The following CHLSN variants were observed in gnomAD, a reference collection of about 807,000 sequenced individuals.
CHLSN encodes protein cholesin.
chr7:1,052,228 G>A, the CHLSN span, among the ~76,000 whole-genome samples: 1 of 152,248 alleles, frequency 6.6e-6, no homozygotes, highest in Non-Finnish European at 1.5e-5. The surrounding 1 kb of genome is among the most constrained non-coding windows in gnomAD (Gnocchi z 4.2). Context: ...AGGAGCCTCT[G>A]AGCAGGCGCC....
chr7:1,010,359 C>T, the CHLSN span, among the ~76,000 whole-genome samples: 2 of 152,220 alleles, frequency 1.3e-5, no homozygotes, highest in Admixed American at 6.5e-5. Context: ...TGCGGGCAGG[C>T]GCCAGGTGCC....
the CHLSN span, among the ~76,000 whole-genome samples, chr7:1,087,605 G>A: frequency 6.6e-6 from 1 of 152,150 alleles, no homozygotes; most frequent in South Asian, 2.1e-4. Context: ...TCGGACTGTG[G>A]GGCACTCTGG....
the CHLSN span, among the ~76,000 whole-genome samples, chr7:1,114,656 C>T: frequency 6.6e-6 from 1 of 152,262 alleles, no homozygotes; most frequent in Non-Finnish European, 1.5e-5. Context: ...GAGGCCAGCT[C>T]TCCCATGGGT....
At chr7:1,072,375 G>T in the CHLSN span, among the ~76,000 whole-genome samples, 355 of 152,360 alleles carry the variant, frequency 2.3e-3, 3 homozygotes, top group African/African-American at 8.2e-3. Flanking sequence ...GGCAGACACC[G>T]GTTGGCCCTG....
At chr7:1,057,450 G>A in the CHLSN span, 1 of 674,848 alleles carries the variant, frequency 1.5e-6, no homozygotes, top group South Asian at 1.7e-5. Context: ...CCAGGGCTTT[G>A]GGACGGGACG....
the CHLSN span, among the ~76,000 whole-genome samples, chr7:1,107,497 G>A: frequency 6.6e-6 from 1 of 152,156 alleles, no homozygotes; most frequent in African/African-American, 2.4e-5. Context: ...TGAGATGAAG[G>A]TTCTGTCTCC....
At chr7:1,062,779 G>A in the CHLSN span, among the ~76,000 whole-genome samples, 18 of 152,164 alleles carry the variant, frequency 1.2e-4, no homozygotes, top group Admixed American at 1.0e-3. Flanking sequence ...GCTGTATGGC[G>A]GTGCGCACGG....
chr7:1,052,915 C>T, the CHLSN span, among the ~76,000 whole-genome samples: 1,543 of 152,304 alleles, frequency 0.01, 17 homozygotes, highest in Middle Eastern at 0.048. The surrounding 1 kb of genome is among the most constrained non-coding windows in gnomAD (Gnocchi z 4.2). Flanking sequence ...CTCAGGCTTT[C>T]GTGTAGGAAA....
chr7:996,455 G>T, the CHLSN span, among the ~76,000 whole-genome samples: 7 of 152,214 alleles, frequency 4.6e-5, no homozygotes, highest in Non-Finnish European at 8.8e-5. Flanking sequence ...AGTTGGGGGA[G>T]CACTGAGACG....
the CHLSN span, among the ~76,000 whole-genome samples, chr7:1,099,186 C>T: frequency 5.5e-5 from 8 of 145,230 alleles, 1 homozygote; most frequent in South Asian, 2.2e-4. Flanking sequence ...CCTCCCCTTC[C>T]GGAGCCTCGC....
the CHLSN span, chr7:1,091,290 C>G: frequency 1.9e-5 from 3 of 160,092 alleles, no homozygotes; most frequent in South Asian, 6.0e-4. Context: ...AGGTTCTGGC[C>G]CTCCCCAGTG....
At chr7:1,099,120 C>T in the CHLSN span, among the ~76,000 whole-genome samples, 26 of 137,700 alleles carry the variant, frequency 1.9e-4, no homozygotes, top group Non-Finnish European at 3.5e-4. Context: ...CTCGCTGTCG[C>T]GTTCCTGCAG....
At chr7:990,844 G>A in the CHLSN span, among the ~76,000 whole-genome samples, 36 of 152,280 alleles carry the variant, frequency 2.4e-4, no homozygotes, top group African/African-American at 8.4e-4. Flanking sequence ...TGTGACTGGT[G>A]AGCCCCTCTG....
the CHLSN span, among the ~76,000 whole-genome samples, chr7:1,125,479 G>T: frequency 5.8e-3 from 879 of 152,298 alleles, 8 homozygotes; most frequent in African/African-American, 0.02. Context: ...AATGTAACAA[G>T]CCAGCACCGG....
At chr7:1,105,343 G>A in the CHLSN span, among the ~76,000 whole-genome samples, 3 of 152,214 alleles carry the variant, frequency 2.0e-5, no homozygotes, top group Non-Finnish European at 4.4e-5. Context: ...TTCTGCCGCC[G>A]GCCGGCTGTG....
At chr7:1,105,473 A>G in the CHLSN span, among the ~76,000 whole-genome samples, 1 of 152,242 alleles carries the variant, frequency 6.6e-6, no homozygotes, top group African/African-American at 2.4e-5. Context: ...AAAGGAATCA[A>G]TGAACTGTGA....
At chr7:1,058,508 G>A in the CHLSN span, 1 of 778,678 alleles carries the variant, frequency 1.3e-6, no homozygotes, top group Non-Finnish European at 2.4e-6. Context: ...TGCAGCAGGT[G>A]CTGGCGTAGG....
the CHLSN span, chr7:1,009,972 G>C: frequency 1.3e-6 from 2 of 1,569,802 alleles, no homozygotes; most frequent in Non-Finnish European, 1.7e-6. Context: ...TCCAGGGCCA[G>C]TTCGGCCCCC....
chr7:1,044,567 C>A, the CHLSN span: 1 of 150,824 alleles, frequency 6.6e-6, no homozygotes, highest in African/African-American at 2.4e-5. Flanking sequence ...TACACAGGGC[C>A]CGGGCGGCGT....
Sources: allele counts gnomAD v4.1 joint callset (sites outside exome capture counted in the v4.1 genomes callset), GRCh38; gene constraint gnomAD v4.1.1; non-coding constraint Gnocchi (gnomAD v3.1); transcripts MANE v1.5; gene names NCBI Gene and HGNC (gene_info 2026-07-23, HGNC 2026-07-21).